Variants in TUSC3 observed in about 807,000 individuals in gnomAD.
TUSC3 encodes tumor suppressor candidate 3.
Under a neutral mutation model 44.8 loss-of-function variants are expected in TUSC3, and 45 were observed. The observed-to-expected ratio is 1.00, with a 90% CI of 0.79 to 1.29. The LOEUF (loss-of-function observed/expected upper bound fraction) is 1.29, where lower values mean the gene tolerates loss of function less well. Ranked by LOEUF, TUSC3 falls within the 50% of genes most tolerant of loss-of-function variation. The pLI is 0.00. For missense variants in TUSC3, 519 were observed against 437.9 expected (o/e 1.19, Z -1.65); for synonymous variants, 212 against 152.9 (o/e 1.39, Z -2.85).
At chr8:15,775,901 G>C in the TUSC3 span, among the ~76,000 whole-genome samples, 19 of 151,610 alleles carry the variant, frequency 1.3e-4, no homozygotes, top group African/African-American at 4.6e-4. Context: ...GAAAGCAAGA[G>C]AAAATGGACA....
chr8:15,818,168 A>G, the TUSC3 span, among the ~76,000 whole-genome samples: 1 of 152,238 alleles, frequency 6.6e-6, no homozygotes, highest in African/African-American at 2.4e-5. Flanking sequence ...TGATGTCAAG[A>G]CAAACTTTTT....
intron 2 of TUSC3, among the ~76,000 whole-genome samples, chr8:15,500,236 G>T (rs1037681041): frequency 6.6e-6 from 1 of 152,094 alleles, no homozygotes; most frequent in Non-Finnish European, 1.5e-5. Flanking sequence ...ATGTCAACTG[G>T]GTATTCTATC....
At chr8:15,489,217 C>A (rs997198874) in intron 2 of TUSC3, among the ~76,000 whole-genome samples, 4 of 152,148 alleles carry the variant, frequency 2.6e-5, no homozygotes, top group Admixed American at 2.0e-4. Context: ...AAAGGCAGGA[C>A]AACTTGAAGT....
chr8:15,672,427 T>A (rs969231271), intron 5 of TUSC3, among the ~76,000 whole-genome samples: 1 of 151,958 alleles, frequency 6.6e-6, no homozygotes, highest in African/African-American at 2.4e-5. Context: ...CCCTTGCAGT[T>A]TAGAAAGATT....
chr8:15,817,293 C>T, the TUSC3 span, among the ~76,000 whole-genome samples: 1 of 151,886 alleles, frequency 6.6e-6, no homozygotes, highest in African/African-American at 2.4e-5. Context: ...TTACTCTCTC[C>T]ACCACCTTAG....
the TUSC3 span, chr8:15,807,399 T>C: frequency 3.5e-6 from 1 of 285,074 alleles, no homozygotes; most frequent in Non-Finnish European, 6.6e-6. Context: ...GCAATGCTTA[T>C]ACACTGTTGG....
intron 1 of TUSC3, among the ~76,000 whole-genome samples, chr8:15,567,787 T>C (rs1802730962): frequency 6.6e-6 from 1 of 152,168 alleles, no homozygotes; most frequent in African/African-American, 2.4e-5. Context: ...TTGTGGTTAT[T>C]GTGTGCACAT....
At chr8:15,709,884 A>G (rs1809771833) in intron 6 of TUSC3, among the ~76,000 whole-genome samples, 1 of 151,820 alleles carries the variant, frequency 6.6e-6, no homozygotes, top group African/African-American at 2.4e-5. Flanking sequence ...GTTGCAGTCC[A>G]TTACATTATG....
At chr8:15,440,736 A>G (rs73191106) in intron 1 of TUSC3, among the ~76,000 whole-genome samples, 1 of 152,098 alleles carries the variant, frequency 6.6e-6, no homozygotes, top group Non-Finnish European at 1.5e-5. Flanking sequence ...AATAGACACT[A>G]TGATATTCTT....
At position 15,662,219 on chromosome 8, in the gene TUSC3, G is replaced by T; in HGVS notation, c.631G>T (p.Val211Phe). 1 of 1,613,186 alleles carries T rather than the reference G, an allele frequency of 6.2e-7. No individual in the cohort carries two copies. Among genetic ancestry groups the T allele is most frequent in the African/African-American group, 1.3e-5 (1 of 74,946 alleles). ...TIALALLVSLVGGLLYLRRNN... is the reference protein window; with the variant it reads ...TIALALLVSLFGGLLYLRRNN... ...TGCTTTGGCCCTGTTAGTGTCGCTT[G>T]TTGGAGGTTTGCTTTATTTGAGAAG... is the stretch of plus-strand genomic sequence containing the variant. The change falls in exon 5 of 11, where the codon GTT (valine) becomes TTT (phenylalanine). Residue 211 changes from valine to phenylalanine, a missense_variant. By Grantham distance (50) the Val-to-Phe change is conservative. Transcript: ENST00000503731.
intron 1 of TUSC3, among the ~76,000 whole-genome samples, chr8:15,564,282 G>A (rs1440492534): frequency 6.6e-6 from 1 of 151,908 alleles, no homozygotes; most frequent in Non-Finnish European, 1.5e-5. Flanking sequence ...TTGTTTTTGA[G>A]TTAACATTTC....
chr8:15,740,712 A>G (rs1374511858), intron 7 of TUSC3, among the ~76,000 whole-genome samples: 1 of 152,166 alleles, frequency 6.6e-6, no homozygotes, highest in African/African-American at 2.4e-5. Flanking sequence ...CATTTTAGAG[A>G]GCAGTATGAT....
chr8:15,458,065 C>T (rs1407055795), intron 1 of TUSC3, among the ~76,000 whole-genome samples: 1 of 151,448 alleles, frequency 6.6e-6, no homozygotes, highest in East Asian at 1.9e-4. Context: ...CATCTAGATG[C>T]GTTAACATTA....
rs969878495 is a variant in TUSC3, at chr8:15,743,593, C to G, written c.918C>G (p.Gly306=). Residue 306 remains glycine, a synonymous_variant, in exon 8 of 11, where the codon GGC becomes GGG. Coordinates refer to ENST00000503731, the MANE Select transcript of TUSC3 (RefSeq NM_006765.4). ...VLLNEAATSK[G]DVGKRRIICL... is the part of the protein sequence containing the mutation. The stretch of plus-strand genomic sequence containing the variant: ...TAAATGAAGCAGCAACTTCGAAAGG[C>G]GATGTTGGAAAAAGACGGAGTAAGT... The G allele has an allele frequency of 1.2e-6, 2 of 1,613,742 alleles. No individual in the cohort carries two copies. The highest frequency in any genetic ancestry group is 8.5e-7 in the Non-Finnish European group (1 of 1,179,810).
intron 2 of TUSC3, among the ~76,000 whole-genome samples, chr8:15,516,976 T>C (rs1801224682): frequency 6.6e-6 from 1 of 152,166 alleles, no homozygotes; most frequent in Non-Finnish European, 1.5e-5. Context: ...TTTAATTAAA[T>C]GTGATAGAAT....
intron 1 of TUSC3, among the ~76,000 whole-genome samples, chr8:15,543,059 C>G (rs993655283): frequency 3.3e-5 from 5 of 152,146 alleles, no homozygotes; most frequent in Admixed American, 6.5e-5. Context: ...GGAAGGGAAA[C>G]ACGCTATATT....
chr8:15,562,811 G>A (rs1267745753), intron 1 of TUSC3, among the ~76,000 whole-genome samples: 1 of 152,038 alleles, frequency 6.6e-6, no homozygotes, highest in East Asian at 1.9e-4. Flanking sequence ...CAGATCACTA[G>A]GATCACTTTT....
chr8:15,516,170 T>C (rs764300751), intron 2 of TUSC3, among the ~76,000 whole-genome samples: 8 of 152,222 alleles, frequency 5.3e-5, no homozygotes, highest in Non-Finnish European at 1.5e-5. Flanking sequence ...CCCTCATCTA[T>C]TGTATCAGAG....
chr8:15,822,940 C>G, the TUSC3 span, among the ~76,000 whole-genome samples: 9 of 152,072 alleles, frequency 5.9e-5, no homozygotes, highest in Admixed American at 5.9e-4. Context: ...TAGTCAAGTT[C>G]ACTGACAGGT....
Sources: gnomAD v4.1 joint callset for allele counts (sites outside exome capture counted in the v4.1 genomes callset) on GRCh38, gnomAD v4.1.1 for gene constraint, MANE v1.5 for transcripts, NCBI Gene and HGNC (gene_info 2026-07-23, HGNC 2026-07-21) for gene names.